PRKG1: variants seen among roughly 807,000 people sequenced by gnomAD.
PRKG1 encodes the protein protein kinase cGMP-dependent 1.
In PRKG1, 35 loss-of-function variants were observed where a neutral mutation model predicts 88.1. That is an observed-to-expected ratio of 0.40 (90% CI 0.30 to 0.53). The LOEUF (loss-of-function observed/expected upper bound fraction) is 0.53, where lower values mean the gene tolerates loss of function less well. Among genes scored for constraint, PRKG1 ranks in the 20% least tolerant of loss-of-function variants. The pLI, the probability that PRKG1 is intolerant of heterozygous loss-of-function variation, is 0.59. For missense variants in PRKG1, 540 were observed against 839.8 expected, an observed-to-expected ratio of 0.64 and a Z score of 4.41; for synonymous variants, 303 against 292.5, an observed-to-expected ratio of 1.04 and a Z score of -0.37.
intron 3 of PRKG1, among the ~76,000 whole-genome samples, chr10:51,656,921 A>G: frequency 6.6e-6 from 1 of 152,158 alleles, no homozygotes; most frequent in East Asian, 1.9e-4. Context: ...CTTCGTGACT[A>G]TGAATCTTGA....
At chr10:51,689,196 G>T (rs1471505172) in intron 3 of PRKG1, among the ~76,000 whole-genome samples, 1 of 152,022 alleles carries the variant, frequency 6.6e-6, no homozygotes, top group African/African-American at 2.4e-5. Context: ...CATGAAAACA[G>T]ACTAATACAC....
chr10:51,961,814 G>A (rs867101428), intron 5 of PRKG1, among the ~76,000 whole-genome samples: 1 of 152,128 alleles, frequency 6.6e-6, no homozygotes, highest in Non-Finnish European at 1.5e-5. Context: ...GAGGCAAGCT[G>A]TACTGACATT....
intron 8 of PRKG1, among the ~76,000 whole-genome samples, chr10:52,161,392 C>A (rs4382852): frequency 1 from 151,938 of 152,152 alleles, 75,862 homozygotes; most frequent in Middle Eastern, 1. Context: ...GCCTGTGAAC[C>A]TTAGTTTACT....
At chr10:51,479,423 A>AAT (rs1446408643) in intron 3 of PRKG1, among the ~76,000 whole-genome samples, 3 of 151,944 alleles carry the variant, frequency 2.0e-5, no homozygotes, top group African/African-American at 7.3e-5. Context: ...TTCAGTTCTG[A>AAT]ATATTAGTTG....
intron 3 of PRKG1, among the ~76,000 whole-genome samples, chr10:51,695,051 T>C (rs1487465683): frequency 1.3e-5 from 2 of 152,160 alleles, no homozygotes; most frequent in Non-Finnish European, 2.9e-5. Flanking sequence ...TGGGATTTTT[T>C]CCCCCTAATA....
intron 2 of PRKG1, among the ~76,000 whole-genome samples, chr10:51,186,726 C>A (rs940538423): frequency 6.6e-6 from 1 of 151,658 alleles, no homozygotes; most frequent in Non-Finnish European, 1.5e-5. Flanking sequence ...ATATTATTTT[C>A]TCTTCCATTA....
chr10:52,163,218 C>T (rs1029399331), intron 9 of PRKG1, among the ~76,000 whole-genome samples: 12 of 142,298 alleles, frequency 8.4e-5, no homozygotes, highest in Non-Finnish European at 1.5e-4. Flanking sequence ...CTTATCTTTT[C>T]GTGTGTTTGT....
At chr10:52,204,545 A>G (rs1839765584) in intron 9 of PRKG1, among the ~76,000 whole-genome samples, 1 of 152,148 alleles carries the variant, frequency 6.6e-6, no homozygotes, top group Non-Finnish European at 1.5e-5. Flanking sequence ...TAATACTTTT[A>G]TAATTTCTTA....
chr10:51,114,837 C>A (rs1437386807), intron 1 of PRKG1, among the ~76,000 whole-genome samples: 3 of 152,004 alleles, frequency 2.0e-5, no homozygotes, highest in Non-Finnish European at 4.4e-5. Context: ...AGTAAATGGG[C>A]AATTAATTTC....
At chr10:51,191,241 A>G (rs1051036767) in intron 2 of PRKG1, among the ~76,000 whole-genome samples, 30 of 151,852 alleles carry the variant, frequency 2.0e-4, no homozygotes, top group African/African-American at 7.0e-4. Context: ...CCAGAACCAC[A>G]TTGGGTATTG....
chr10:52,099,202 T>TA (rs869046796), intron 7 of PRKG1, among the ~76,000 whole-genome samples: 1 of 5,686 alleles, frequency 1.8e-4, no homozygotes, highest in African/African-American at 1.1e-3. Flanking sequence ...TGTAATCTCA[T>TA]TTTTTTATTG....
intron 9 of PRKG1, among the ~76,000 whole-genome samples, chr10:52,211,649 A>G (rs1044832901): frequency 4.0e-5 from 6 of 151,762 alleles, no homozygotes; most frequent in African/African-American, 1.5e-4. Flanking sequence ...GATATTAATT[A>G]AAACTTCTGA....
chr10:51,861,703 T>G (rs145119412), intron 4 of PRKG1, among the ~76,000 whole-genome samples: 7 of 152,326 alleles, frequency 4.6e-5, no homozygotes, highest in African/African-American at 1.7e-4. Flanking sequence ...TACGAGTTGT[T>G]TATGAAAACT....
intron 2 of PRKG1, among the ~76,000 whole-genome samples, chr10:51,352,324 T>G (rs567280420): frequency 1.3e-5 from 2 of 152,232 alleles, no homozygotes; most frequent in Admixed American, 1.3e-4. Context: ...ATTGCCTCTA[T>G]AAATTACTTC....
chr10:52,025,711 G>A (rs984910934), intron 5 of PRKG1, among the ~76,000 whole-genome samples: 2 of 151,726 alleles, frequency 1.3e-5, no homozygotes, highest in Non-Finnish European at 2.9e-5. Flanking sequence ...CCAGTACCAT[G>A]CTGTTTTGGT....
chr10:51,133,102 T>A (rs1469643879), intron 1 of PRKG1, among the ~76,000 whole-genome samples: 1 of 152,124 alleles, frequency 6.6e-6, no homozygotes, highest in Non-Finnish European at 1.5e-5. Flanking sequence ...ATGGCTGTCA[T>A]ATATGGATAA....
intron 4 of PRKG1, among the ~76,000 whole-genome samples, chr10:51,901,042 G>A (rs544338363): frequency 2.0e-5 from 3 of 152,242 alleles, no homozygotes; most frequent in South Asian, 4.1e-4. Flanking sequence ...AGTGTGTGGT[G>A]AATAAGAAAA....
chr10:51,943,044 A>G (rs1417259460), intron 5 of PRKG1, among the ~76,000 whole-genome samples: 1 of 152,038 alleles, frequency 6.6e-6, no homozygotes, highest in African/African-American at 2.4e-5. Context: ...TACCTTGGGC[A>G]GTATGGCCAT....
chr10:51,135,779 G>A (rs1028003803), intron 1 of PRKG1, among the ~76,000 whole-genome samples: 11 of 151,950 alleles, frequency 7.2e-5, no homozygotes, highest in Admixed American at 6.6e-4. Flanking sequence ...TCAAAAGTTC[G>A]CTAGAATGTT....
Sources: allele counts gnomAD v4.1 joint callset (sites outside exome capture counted in the v4.1 genomes callset), GRCh38; gene constraint gnomAD v4.1.1; transcripts MANE v1.5; gene names NCBI Gene and HGNC (gene_info 2026-07-23, HGNC 2026-07-21).